Variants in HMGCS1 observed in about 807,000 individuals in gnomAD.
HMGCS1 encodes 3-hydroxy-3-methylglutaryl-CoA synthase 1, also known as hydroxymethylglutaryl-CoA synthase, cytoplasmic.
Under a neutral mutation model 52.3 loss-of-function variants are expected in HMGCS1, and 9 were observed. That is an observed-to-expected ratio of 0.17 (90% CI 0.10 to 0.30). The LOEUF is 0.30. Among genes scored for constraint, HMGCS1 ranks in the 10% least tolerant of loss-of-function variants. HMGCS1 has a pLI of 1.00. For missense variants in HMGCS1, 320 were observed against 620.9 expected, an observed-to-expected ratio of 0.52 and a Z score of 5.15; for synonymous variants, 176 against 214.4, an observed-to-expected ratio of 0.82 and a Z score of 1.57.
intron 9 of HMGCS1, 102 bp downstream of exon 9, chr5:43,292,746 T>C: frequency 4.0e-6 from 6 of 1,501,094 alleles, no homozygotes; most frequent in Non-Finnish European, 5.5e-6. Flanking sequence ...TGACATCAGA[T>C]TAGTACTGAG....
rs1753631268 is a variant in HMGCS1 at position 43,289,332 on chromosome 5, GAAT to G, written c.*1796_*1798del. On this transcript the variant is annotated 3_prime_UTR_variant, in exon 11 of 11. Coordinates refer to ENST00000325110, the MANE Select transcript of HMGCS1 (RefSeq NM_001098272.3). ...AAATTAATGCCCATATTTAAAAATAGAATATTAGCTGATTTCTTGCCGAAGTTG... is the reference window on the plus strand; with the variant it reads ...AAATTAATGCCCATATTTAAAAATAGATTAGCTGATTTCTTGCCGAAGTTG... The G allele has an allele frequency of 6.6e-6, 1 of 152,618 alleles. No homozygotes were observed. Among genetic ancestry groups the G allele is most frequent in the East Asian group, 1.9e-4 (1 of 5,200 alleles). The allele number at this position is 152,618 out of a possible 1,614,324, so 9.5% of individuals were successfully genotyped here. A position where few individuals can be genotyped will look rare whatever the true frequency, so the allele number is the denominator to read the frequency against.
intron 2 of HMGCS1, among the ~76,000 whole-genome samples, chr5:43,302,836 G>T (rs1348189455): frequency 6.6e-6 from 1 of 152,190 alleles, no homozygotes; most frequent in Non-Finnish European, 1.5e-5. Flanking sequence ...ATCTTGAAAG[G>T]AATGCTACAT....
chr5:43,292,367 C>G, intron 10 of HMGCS1, 107 bp downstream of exon 10: 2 of 567,364 alleles, frequency 3.5e-6, no homozygotes, highest in Non-Finnish European at 5.8e-6. Flanking sequence ...CAGCTAGAAT[C>G]TACTCCCAGA....
Position 43,289,089 on chromosome 5 carries a change from T to A in HMGCS1, c.*2042A>T, listed in dbSNP as rs572922851. On this transcript the variant is annotated 3_prime_UTR_variant, in exon 11 of 11. Coordinates refer to ENST00000325110, the MANE Select transcript of HMGCS1 (RefSeq NM_001098272.3). ...AAATATTTATAGCAAAGTCTATATA[T>A]GCTTGCCACGCAATTTGAGAGTTAA... 15 of 152,346 alleles carry A rather than the reference T, an allele frequency of 9.8e-5. 1 individual carries two copies. The highest frequency in any genetic ancestry group is 1.2e-4 in the Non-Finnish European group (8 of 68,032). 9.4% of individuals were successfully genotyped at this position (152,346 alleles called of 1,614,324 possible).
Position 43,291,010 on chromosome 5 carries a change from T to C in HMGCS1, c.*121A>G, listed in dbSNP as rs1410967824. On this transcript the variant is annotated 3_prime_UTR_variant, in exon 11 of 11. Coordinates refer to ENST00000325110, the MANE Select transcript of HMGCS1 (RefSeq NM_001098272.3). Reference sequence around the variant, plus strand: ...TCATCCAGGCTCCATGTCAGTCACATAAAAATTTACATAACATGTAATCCT... The same window carrying C: ...TCATCCAGGCTCCATGTCAGTCACACAAAAATTTACATAACATGTAATCCT... 6 of 651,772 alleles carry C rather than the reference T, an allele frequency of 9.2e-6. No individual in the cohort carries two copies. The highest frequency in any genetic ancestry group is 1.8e-5 in the African/African-American group (1 of 56,154). 40.4% of individuals were successfully genotyped at this position (651,772 alleles called of 1,614,324 possible). A position where few individuals can be genotyped will look rare whatever the true frequency, so the allele number is the denominator to read the frequency against.
In HMGCS1 at chr5:43,294,075, G is replaced by A; in HGVS notation, c.1164C>T (p.Val388=). Residue 388 remains valine (V), a synonymous_variant, in exon 8 of 11, where the codon GTC becomes GTT. Coordinates refer to ENST00000325110, the MANE Select transcript of HMGCS1 (RefSeq NM_001098272.3). ...ACTTACCCGGTGTAGCATCTTGTGT[G>A]ACTTTAAGAGAGTACAGAGTGGCAG... ...GLAATLYSLK[V]TQDATPGSAL... 6.2e-7 allele frequency: 1 copy of A among 1,606,608 alleles called. No homozygotes were observed. Among genetic ancestry groups the A allele is most frequent in the Non-Finnish European group, 8.5e-7 (1 of 1,173,140 alleles).
intron 1 of HMGCS1, among the ~76,000 whole-genome samples, chr5:43,310,238 C>T (rs541168403): frequency 6.6e-6 from 1 of 152,172 alleles, no homozygotes; most frequent in Non-Finnish European, 1.5e-5. Flanking sequence ...TACTGGTCTG[C>T]GTATCAGAGA....
chr5:43,299,666 A>G (rs1469316926), intron 2 of HMGCS1, among the ~76,000 whole-genome samples: 1 of 123,058 alleles, frequency 8.1e-6, no homozygotes, highest in East Asian at 2.0e-4. Context: ...AAAAAAAGAA[A>G]AAGTAAAAAT....
Position 43,289,278 on chromosome 5 carries a change from T to A in HMGCS1, c.*1853A>T, listed in dbSNP as rs1753628338. ...TTTCAAATGTTTGTGAAATGATAAATGAATGGAATGAGTGAACGAACTGAA... is the reference window on the plus strand; with the variant it reads ...TTTCAAATGTTTGTGAAATGATAAAAGAATGGAATGAGTGAACGAACTGAA... On this transcript the variant is annotated 3_prime_UTR_variant, in exon 11 of 11. Coordinates refer to ENST00000325110, the MANE Select transcript of HMGCS1 (RefSeq NM_001098272.3). The A allele has an allele frequency of 6.6e-6, 1 of 152,484 alleles. No individual in the cohort carries two copies. 9.4% of individuals were successfully genotyped at this position (152,484 alleles called of 1,614,324 possible). A position where few individuals can be genotyped will look rare whatever the true frequency, so the allele number is the denominator to read the frequency against.
chr5:43,305,336 C>A (rs1754514114), intron 2 of HMGCS1, among the ~76,000 whole-genome samples: 1 of 152,104 alleles, frequency 6.6e-6, no homozygotes, highest in South Asian at 2.1e-4. Context: ...ATTGTCCTTT[C>A]AAATGCTCTC....
At chr5:43,292,081 C>T (rs1163541139) in intron 10 of HMGCS1, among the ~76,000 whole-genome samples, 2 of 145,640 alleles carry the variant, frequency 1.4e-5, no homozygotes, top group Non-Finnish European at 3.0e-5. Flanking sequence ...CAACCTCTGA[C>T]TCCCTGGTTC....
In HMGCS1 at chr5:43,306,312, G is replaced by C. The variant is rs922906466; in HGVS notation, c.-11+1454C>G. Among the ~76,000 whole-genome samples the C allele has an allele frequency of 2.6e-5, 4 of 152,312 alleles. No homozygotes were observed. The East Asian group carries it at 7.7e-4, about 29-fold the overall frequency. On this transcript the variant is annotated intron_variant, in intron 2 of 10. Transcript: ENST00000325110. ...AAGAGAACTGGAAAGGGGAAAAAAG[G>C]GGGAGGGAAACTAGCTGATGATACT...
Position 43,298,731 on chromosome 5 carries a change from T to G in HMGCS1, c.235A>C (p.Arg79=). ...CMTVVQNLME[R]NNLSYDCIGR... is the part of the protein sequence containing the mutation. ...ATGCAATCATAGGAAAGGTTATTTC[T>G]CTCCATAAGATTCTGAACCACAGTC... Residue 79 remains arginine (R), a synonymous_variant, in exon 3 of 11, where the codon AGA becomes CGA. Transcript: ENST00000325110. The surrounding 1 kb of genome is among the most constrained non-coding windows in gnomAD (Gnocchi z 5.6). The G allele has an allele frequency of 6.2e-7, 1 of 1,614,248 alleles. No homozygotes were observed. Among genetic ancestry groups the G allele is most frequent in the Non-Finnish European group, 8.5e-7 (1 of 1,180,046 alleles).
At chr5:43,291,350 T>C in intron 10 of HMGCS1, 130 bp from the exon 11 acceptor site, 2 of 620,296 alleles carry the variant, frequency 3.2e-6, no homozygotes, top group South Asian at 2.1e-5. Context: ...TAAATATATA[T>C]TTTATATAAC....
chr5:43,303,355 TAAG>T (rs1754412123), intron 2 of HMGCS1, among the ~76,000 whole-genome samples: 1 of 152,184 alleles, frequency 6.6e-6, no homozygotes, highest in Non-Finnish European at 1.5e-5. Context: ...AGTGCTCTTA[TAAG>T]AAGATAAAAC....
intron 2 of HMGCS1, among the ~76,000 whole-genome samples, chr5:43,303,922 T>A (rs547000249): frequency 1.3e-5 from 2 of 152,320 alleles, no homozygotes; most frequent in African/African-American, 4.8e-5. Flanking sequence ...TGTCTACAAC[T>A]CAGATGGAGG....
intron 2 of HMGCS1, among the ~76,000 whole-genome samples, chr5:43,307,067 A>ATTTT (rs59297862): frequency 2.4e-5 from 3 of 123,668 alleles, no homozygotes; most frequent in South Asian, 2.6e-4. Context: ...TTCTCACATA[A>ATTTT]TTTTTTTTTT....
At chr5:43,307,519 TTTTCTC>T (rs1309854522) in intron 2 of HMGCS1, among the ~76,000 whole-genome samples, 1 of 152,222 alleles carries the variant, frequency 6.6e-6, no homozygotes, top group African/African-American at 2.4e-5. Context: ...TATAAGTACT[TTTTCTC>T]TTATGAGTGA....
chr5:43,311,202 C>T (rs771096152), intron 1 of HMGCS1, among the ~76,000 whole-genome samples: 8 of 151,822 alleles, frequency 5.3e-5, no homozygotes, highest in Non-Finnish European at 8.8e-5. Context: ...TGGCACATGC[C>T]GGTAGTCCCA....
Sources: allele counts gnomAD v4.1 joint callset (sites outside exome capture counted in the v4.1 genomes callset), GRCh38; gene constraint gnomAD v4.1.1; non-coding constraint Gnocchi (gnomAD v3.1); transcripts MANE v1.5; gene names NCBI Gene and HGNC (gene_info 2026-07-23, HGNC 2026-07-21).